Variants in ZPR1 observed in about 807,000 individuals in gnomAD.
ZPR1 encodes ZPR1 zinc finger, also known as zinc finger protein ZPR1.
A neutral mutation model predicts 59.6 loss-of-function variants in ZPR1; 37 were observed. The ratio of observed to expected loss-of-function variants is 0.62; its 90% CI spans 0.48 to 0.82. ZPR1 has a LOEUF of 0.82. ZPR1 is among the 40% of genes least tolerant of loss of function. The probability of loss-of-function intolerance (pLI) is 0.00; values close to 1 mark genes in which losing one functional copy is unlikely to be tolerated. For synonymous variants in ZPR1, 191 were observed against 215.2 expected (o/e 0.89, Z 0.99); for missense variants, 527 against 579.9 (o/e 0.91, Z 0.94).
chr11:116,786,936 C>A (rs373498852), intron 3 of ZPR1, 33 bp downstream of exon 3: 2 of 1,571,848 alleles, frequency 1.3e-6, no homozygotes, highest in East Asian at 2.2e-5. Context: ...TAGCTACATG[C>A]GAACAGCCCA....
At chr11:116,784,474 A>G (rs758598133) in intron 8 of ZPR1, 26 bp from the exon 9 acceptor site, 2 of 1,609,094 alleles carry the variant, frequency 1.2e-6, no homozygotes, top group South Asian at 2.2e-5. Context: ...AAGGAAATCT[A>G]CTTCCAGGCG....
chr11:116,782,269 ATGTGAATAC>A, intron 11 of ZPR1, 25 bp from the exon 12 acceptor site: 1 of 1,590,522 alleles, frequency 6.3e-7, no homozygotes. Context: ...AATCCAAACT[ATGTGAATAC>A]TGGCTTTATA....
At chr11:116,785,448 G>C in intron 6 of ZPR1, 66 bp downstream of exon 6, 1 of 1,585,470 alleles carries the variant, frequency 6.3e-7, no homozygotes, top group Non-Finnish European at 8.6e-7. Flanking sequence ...AAGTTCCACT[G>C]ACTCCAAGCA....
At chr11:116,785,491 T>C in intron 6 of ZPR1, 23 bp downstream of exon 6, 1 of 1,611,910 alleles carries the variant, frequency 6.2e-7, no homozygotes, top group East Asian at 2.2e-5. Flanking sequence ...AGAGCATTCT[T>C]CTGGATCCTT....
rs1940868127 is a variant in ZPR1, at chr11:116,785,373, G to A, written c.705+141C>T. 2.5e-5 allele frequency: 33 copies of A among 1,314,738 alleles called. No individual in the cohort carries two copies. In the South Asian group the frequency reaches 4.6e-4, roughly 18 times the overall value. The allele number at this position is 1,314,738 out of a possible 1,614,324, so 81.4% of individuals were successfully genotyped here. ...TTCTGTGAAGTTTACCCAAGTCCTG[G>A]ACATAAGCAAGATGAGAAGCACAAA... On this transcript the variant is annotated intron_variant, in intron 6 of 13. Coordinates refer to ENST00000227322, the MANE Select transcript of ZPR1 (RefSeq NM_003904.5).
chr11:116,785,714 A>C, intron 5 of ZPR1, 78 bp from the exon 6 acceptor site: 1 of 1,612,496 alleles, frequency 6.2e-7, no homozygotes, highest in South Asian at 1.1e-5. Flanking sequence ...CAGACCACGC[A>C]GGCATCACAG....
In ZPR1 at chr11:116,787,894, G is replaced by A. The variant is rs200636923; in HGVS notation, c.97C>T (p.Arg33Trp). 27 of 1,542,392 alleles carry A rather than the reference G, an allele frequency of 1.8e-5. No individual in the cohort carries two copies. Among genetic ancestry groups the A allele is most frequent in the Non-Finnish European group, 2.2e-5 (25 of 1,146,458 alleles). Residue 33 changes from arginine to tryptophan, a missense_variant, in exon 1 of 14, where the codon CGG (arginine) becomes TGG (tryptophan). By Grantham distance (101) the Arg-to-Trp change is moderately radical. Transcript: ENST00000227322. ...APPPAPDHLFRPISAEDEEQQ... is the reference protein window; with the variant it reads ...APPPAPDHLFWPISAEDEEQQ... Reference sequence around the variant, plus strand: ...TCCTCGTCCTCGGCGCTGATGGGCCGGAACAGGTGATCAGGGGCAGGCGGC... The same window carrying A: ...TCCTCGTCCTCGGCGCTGATGGGCCAGAACAGGTGATCAGGGGCAGGCGGC...
In ZPR1 at chr11:116,788,018, C is replaced by T. The variant is rs889493216; in HGVS notation, c.-28G>A. The T allele has an allele frequency of 1.4e-6, 2 of 1,412,634 alleles. No individual in the cohort carries two copies. The highest frequency in any genetic ancestry group is 3.1e-5 in the Admixed American group (1 of 31,910). The allele number at this position is 1,412,634 out of a possible 1,614,324, so 87.5% of individuals were successfully genotyped here. ...CCACCACGCGCAATTCAGACCTCGG[C>T]TTCCTACTTCCGCCGCTCTCGCGGC... is the stretch of plus-strand genomic sequence containing the variant. On this transcript the variant is annotated 5_prime_UTR_variant, in exon 1 of 14. Coordinates refer to ENST00000227322, the MANE Select transcript of ZPR1 (RefSeq NM_003904.5).
intron 8 of ZPR1, 125 bp downstream of exon 8, chr11:116,784,730 G>GATA: frequency 9.4e-7 from 1 of 1,063,272 alleles, no homozygotes; most frequent in East Asian, 2.5e-5. Flanking sequence ...TCTAATCAAA[G>GATA]ATAATATCTT....
At chr11:116,787,411 G>T in intron 2 of ZPR1, 71 bp downstream of exon 2, 1 of 1,516,440 alleles carries the variant, frequency 6.6e-7, no homozygotes, top group Non-Finnish European at 9.0e-7. Context: ...CGACCGCCTG[G>T]ACCAGAGCTC....
At position 116,777,820 on chromosome 11, in the gene ZPR1, A is replaced by G. The variant is rs958140132; in HGVS notation, c.*1105T>C. On this transcript the variant is annotated 3_prime_UTR_variant, in exon 14 of 14. Coordinates refer to ENST00000227322, the MANE Select transcript of ZPR1 (RefSeq NM_003904.5). ...GGCAGGAGACTACAGTGCAAAGAAC[A>G]CTGGCTGGGAAGTCCAGGGCCCAAG... The G allele has an allele frequency of 1.3e-5, 2 of 152,230 alleles. No homozygotes were observed. The highest frequency in any genetic ancestry group is 4.8e-5 in the African/African-American group (2 of 41,458). The allele number at this position is 152,230 out of a possible 1,614,324, so 9.4% of individuals were successfully genotyped here. A position where few individuals can be genotyped will look rare whatever the true frequency, so the allele number is the denominator to read the frequency against.
intron 5 of ZPR1, 75 bp from the exon 6 acceptor site, chr11:116,785,711 C>T (rs769349027): frequency 7.6e-5 from 123 of 1,612,522 alleles, no homozygotes; most frequent in East Asian, 6.7e-5. Context: ...TATCAGACCA[C>T]GCAGGCATCA....
chr11:116,781,613 G>C (rs1940805657), intron 12 of ZPR1, among the ~76,000 whole-genome samples: 1 of 152,206 alleles, frequency 6.6e-6, no homozygotes, highest in Non-Finnish European at 1.5e-5. Flanking sequence ...AGATGTGGAA[G>C]GTCCCAGAAA....
chr11:116,785,897 G>C lies in ZPR1; in HGVS notation c.496-15C>G. 3 of 1,612,452 alleles carry C rather than the reference G, an allele frequency of 1.9e-6. No homozygotes were observed. The highest frequency in any genetic ancestry group is 2.5e-6 in the Non-Finnish European group (3 of 1,178,514). ...TCTTTGTTTGCCTGCCATGAACAGA[G>C]AGTAAAGCATCAGCCCTGGTGGTGT... is the stretch of plus-strand genomic sequence containing the variant. On this transcript the variant is annotated splice_polypyrimidine_tract_variant and intron_variant, in intron 4 of 13. Coordinates refer to ENST00000227322, the MANE Select transcript of ZPR1 (RefSeq NM_003904.5).
At chr11:116,782,117 G>A (rs749004111) in intron 12 of ZPR1, 41 bp downstream of exon 12, 7 of 1,512,696 alleles carry the variant, frequency 4.6e-6, no homozygotes, top group Non-Finnish European at 9.2e-7. Context: ...GTTCACTGGA[G>A]CCCCAGGATT....
chr11:116,784,953 C>A, intron 7 of ZPR1, 32 bp from the exon 8 acceptor site: 1 of 1,613,350 alleles, frequency 6.2e-7, no homozygotes, highest in Non-Finnish European at 8.5e-7. Context: ...AAGGGTGAGC[C>A]CTCCCAGATG....
intron 6 of ZPR1, 105 bp from the exon 7 acceptor site, chr11:116,785,251 T>C (rs1940866531): frequency 1.1e-5 from 15 of 1,307,072 alleles, no homozygotes; most frequent in Non-Finnish European, 1.5e-5. Context: ...TCATCAGTTA[T>C]GTCAGGTGCC....
In ZPR1 at chr11:116,774,839, C is replaced by G. The variant is rs1228745666; in HGVS notation, c.*4086G>C. The G allele has an allele frequency of 6.6e-6, 1 of 152,434 alleles. No individual in the cohort carries two copies. Among genetic ancestry groups the G allele is most frequent in the East Asian group, 1.9e-4 (1 of 5,192 alleles). 9.4% of individuals were successfully genotyped at this position (152,434 alleles called of 1,614,324 possible). A position where few individuals can be genotyped will look rare whatever the true frequency, so the allele number is the denominator to read the frequency against. The stretch of plus-strand genomic sequence containing the variant: ...GTGTCAGCAGGCATTCAGAAAGCCT[C>G]ACACTTCTGCTCCAGTGAACACTGC... On this transcript the variant is annotated 3_prime_UTR_variant, in exon 14 of 14. Transcript: ENST00000227322.
In ZPR1 at chr11:116,774,158, T is replaced by C. The variant is rs776795512; in HGVS notation, c.*4767A>G. ...TGTGATGACTGGATATAATTATACA[T>C]TGTGTAATGATTACCAAAATCAAAT... is the stretch of plus-strand genomic sequence containing the variant. On this transcript the variant is annotated 3_prime_UTR_variant, in exon 14 of 14. Coordinates refer to ENST00000227322, the MANE Select transcript of ZPR1 (RefSeq NM_003904.5). 3.3e-5 allele frequency: 5 copies of C among 152,196 alleles called. No homozygotes were observed. The highest frequency in any genetic ancestry group is 7.3e-5 in the Non-Finnish European group (5 of 68,032). The allele number at this position is 152,196 out of a possible 1,614,324, so 9.4% of individuals were successfully genotyped here. A position where few individuals can be genotyped will look rare whatever the true frequency, so the allele number is the denominator to read the frequency against.
Sources: allele counts gnomAD v4.1 joint callset (sites outside exome capture counted in the v4.1 genomes callset), GRCh38; gene constraint gnomAD v4.1.1; transcripts MANE v1.5; gene names NCBI Gene and HGNC (gene_info 2026-07-23, HGNC 2026-07-21).